Variants in UGGT1 observed in about 807,000 individuals in gnomAD.
UGGT1 encodes the protein UDP-glucose glycoprotein glucosyltransferase 1.
In UGGT1, 107 loss-of-function variants were observed where a neutral mutation model predicts 203.9. The ratio of observed to expected loss-of-function variants is 0.52; its 90% CI spans 0.45 to 0.62. The LOEUF (loss-of-function observed/expected upper bound fraction) is 0.62. Among genes scored for constraint, UGGT1 ranks in the 20% least tolerant of loss-of-function variants. The pLI is 0.00. For missense variants in UGGT1, 1,673 were observed against 1,867.2 expected (o/e 0.90, Z 1.92); for synonymous variants, 628 against 653.5 (o/e 0.96, Z 0.59).
Position 128,126,028 on chromosome 2 carries a change from C to T in UGGT1, c.1135-1333C>T, listed in dbSNP as rs76124928. Among the ~76,000 whole-genome samples the T allele has an allele frequency of 2.5e-3, 370 of 149,460 alleles. 1 individual carries two copies. Among genetic ancestry groups the T allele is most frequent in the Middle Eastern group, 0.014 (4 of 282 alleles). ...CATGATCTCAGCTCACTGTAACCTT[C>T]GCCTCCCGGTTCAAGTGATTCTCCT... On this transcript the variant is annotated intron_variant, in intron 11 of 40. Transcript: ENST00000259253.
At chr2:128,166,541 T>C (rs2104764509) in intron 26 of UGGT1, among the ~76,000 whole-genome samples, 1 of 152,354 alleles carries the variant, frequency 6.6e-6, no homozygotes, top group East Asian at 1.9e-4. Flanking sequence ...GTATTTGTTT[T>C]GGTCCAGATT....
chr2:128,121,234 TCTC>T lies in UGGT1; in HGVS notation c.1012_1014del (p.Pro338del), dbSNP rs747978540. 11 of 1,613,708 alleles carry T rather than the reference TCTC, an allele frequency of 6.8e-6. No individual in the cohort carries two copies. In the Admixed American group the frequency reaches 1.0e-4, roughly 15 times the overall value. On this transcript the variant is annotated inframe_deletion, in exon 10 of 41. Transcript: ENST00000259253. ...CCAGACTGCTGCTCGAATCTTGGCT[TCTC>T]CTGTTGAGTTGGCTTTGGTTGTCAT...
At chr2:128,149,026 T>C (rs1478774215) in intron 18 of UGGT1, among the ~76,000 whole-genome samples, 1 of 152,082 alleles carries the variant, frequency 6.6e-6, no homozygotes, top group Non-Finnish European at 1.5e-5. Context: ...AAATTAATTG[T>C]TACAAAGGTC....
intron 1 of UGGT1, among the ~76,000 whole-genome samples, chr2:128,092,805 C>T (rs1352304853): frequency 2.0e-5 from 3 of 152,044 alleles, no homozygotes; most frequent in East Asian, 3.8e-4. Context: ...GTCCTCCTAC[C>T]TCAGCCTCCT....
intron 26 of UGGT1, among the ~76,000 whole-genome samples, chr2:128,170,009 A>G (rs1488800197): frequency 6.6e-6 from 1 of 152,208 alleles, no homozygotes; most frequent in Non-Finnish European, 1.5e-5. Context: ...TAATGTTATC[A>G]GAAGCTAACT....
At position 128,190,823 on chromosome 2, in the gene UGGT1, C is replaced by G. The variant is rs1174049831; in HGVS notation, c.*1081C>G. On this transcript the variant is annotated 3_prime_UTR_variant, in exon 41 of 41. Coordinates refer to ENST00000259253, the MANE Select transcript of UGGT1 (RefSeq NM_020120.4). ...ACCAGAAATGATTCTGCTTGTGGAACTCGTGGCTTTCTGTCCTATTTTCCT... is the reference window on the plus strand; with the variant it reads ...ACCAGAAATGATTCTGCTTGTGGAAGTCGTGGCTTTCTGTCCTATTTTCCT... 1 of 152,276 alleles carries G rather than the reference C, an allele frequency of 6.6e-6. No homozygotes were observed. Among genetic ancestry groups the G allele is most frequent in the Non-Finnish European group, 1.5e-5 (1 of 68,084 alleles). 9.4% of individuals were successfully genotyped at this position (152,276 alleles called of 1,614,324 possible).
At chr2:128,152,963 A>T in intron 19 of UGGT1, 59 bp downstream of exon 19, 1 of 1,598,716 alleles carries the variant, frequency 6.3e-7, no homozygotes, top group Non-Finnish European at 8.5e-7. Context: ...CAGAATCTTT[A>T]CATTTTTCAG....
chr2:128,114,177 G>T (rs922492845), intron 6 of UGGT1, among the ~76,000 whole-genome samples: 4 of 152,038 alleles, frequency 2.6e-5, no homozygotes, highest in African/African-American at 9.7e-5. Context: ...GAGCACAGTG[G>T]CGCGATTTCA....
At chr2:128,138,648 G>A (rs1689260622) in intron 15 of UGGT1, 69 bp from the exon 16 acceptor site, 8 of 1,551,388 alleles carry the variant, frequency 5.2e-6, no homozygotes, top group Non-Finnish European at 5.2e-6. Context: ...AAGGGTACAA[G>A]GATGTCATTC....
chr2:128,092,187 C>T (rs1686897994), intron 1 of UGGT1, among the ~76,000 whole-genome samples: 1 of 150,980 alleles, frequency 6.6e-6, no homozygotes, highest in Admixed American at 6.6e-5. Flanking sequence ...TTTTAAATAG[C>T]TATTTAACAG....
intron 25 of UGGT1, 42 bp from the exon 26 acceptor site, chr2:128,164,688 C>T: frequency 6.5e-7 from 1 of 1,544,894 alleles, no homozygotes; most frequent in South Asian, 1.1e-5. Context: ...GGAAAACTTT[C>T]AGTTAAAAAG....
intron 5 of UGGT1, among the ~76,000 whole-genome samples, chr2:128,110,507 T>C (rs1687797461): frequency 6.6e-6 from 1 of 152,312 alleles, no homozygotes; most frequent in South Asian, 2.1e-4. Flanking sequence ...GGTCAAGGCA[T>C]GGACATTCAG....
chr2:128,160,976 C>T (rs538751854), intron 24 of UGGT1, among the ~76,000 whole-genome samples, 162 bp from the exon 25 acceptor site: 14 of 152,148 alleles, frequency 9.2e-5, no homozygotes, highest in Admixed American at 6.5e-4. Context: ...TTGGGCTTCA[C>T]TTTGTATTAT....
intron 11 of UGGT1, among the ~76,000 whole-genome samples, chr2:128,125,709 A>C (rs570034619): frequency 6.6e-6 from 1 of 152,310 alleles, no homozygotes; most frequent in South Asian, 2.1e-4. Flanking sequence ...CTGAGATATT[A>C]GTGAATTAAG....
chr2:128,189,823 C>G lies in UGGT1; in HGVS notation c.*81C>G. On this transcript the variant is annotated 3_prime_UTR_variant, in exon 41 of 41. Transcript: ENST00000259253. ...GCTAGTTTTTTCTGATCTGTCTATA[C>G]AACTGCTGATAAGCCGGCTGGGCAG... 6.6e-7 allele frequency: 1 copy of G among 1,521,410 alleles called. No homozygotes were observed. Among genetic ancestry groups the G allele is most frequent in the South Asian group, 1.2e-5 (1 of 85,030 alleles). The allele number at this position is 1,521,410 out of a possible 1,614,324, so 94.2% of individuals were successfully genotyped here.
chr2:128,127,593 G>T (rs560825653), intron 12 of UGGT1, 141 bp downstream of exon 12: 19 of 627,678 alleles, frequency 3.0e-5, no homozygotes, highest in East Asian at 2.9e-4. Context: ...GACGTAGGTA[G>T]TAGGCACATG....
At chr2:128,157,724 A>C (rs1264271774) in intron 22 of UGGT1, among the ~76,000 whole-genome samples, 2 of 152,164 alleles carry the variant, frequency 1.3e-5, no homozygotes, top group Non-Finnish European at 2.9e-5. Context: ...GCAGTAGCAC[A>C]CAGGAATGGT....
intron 24 of UGGT1, 105 bp from the exon 25 acceptor site, chr2:128,161,033 G>A (rs1690501143): frequency 7.5e-7 from 1 of 1,341,000 alleles, no homozygotes; most frequent in Non-Finnish European, 1.0e-6. Context: ...TCTTTAAGAT[G>A]TTCTGGCGTA....
chr2:128,122,447 T>C (rs1305735512), intron 10 of UGGT1, among the ~76,000 whole-genome samples: 4 of 151,436 alleles, frequency 2.6e-5, no homozygotes, highest in Non-Finnish European at 5.9e-5. Context: ...TGCAGGAGAA[T>C]CGCTTGAACC....
Sources: allele counts gnomAD v4.1 joint callset (sites outside exome capture counted in the v4.1 genomes callset), GRCh38; gene constraint gnomAD v4.1.1; transcripts MANE v1.5; gene names NCBI Gene and HGNC (gene_info 2026-07-23, HGNC 2026-07-21).